Variants in PTPRT observed in about 807,000 individuals in gnomAD.
The protein encoded by PTPRT is protein tyrosine phosphatase receptor type T.
A neutral mutation model predicts 176.8 loss-of-function variants in PTPRT; 56 were observed. The observed-to-expected ratio is 0.32, with a 90% CI of 0.26 to 0.40. The LOEUF (loss-of-function observed/expected upper bound fraction) is 0.40, where lower values mean the gene tolerates loss of function less well. Among genes scored for constraint, PTPRT ranks in the 10% least tolerant of loss-of-function variants. PTPRT has a pLI of 1.00. For missense variants in PTPRT, 1,540 were observed against 1,908.2 expected (o/e 0.81, Z 3.60); for synonymous variants, 783 against 739.0 (o/e 1.06, Z -0.96).
chr20:42,281,528 C>T (rs2057138788), intron 13 of PTPRT, among the ~76,000 whole-genome samples: 1 of 151,918 alleles, frequency 6.6e-6, no homozygotes, highest in Non-Finnish European at 1.5e-5. Flanking sequence ...CCACTCTGCC[C>T]GTGTGTGTGT....
At chr20:42,580,220 A>G (rs1568992554) in intron 7 of PTPRT, among the ~76,000 whole-genome samples, 1 of 152,074 alleles carries the variant, frequency 6.6e-6, no homozygotes, top group East Asian at 1.9e-4. Flanking sequence ...TTGTAGATAT[A>G]TGGCATTATT....
chr20:42,900,579 C>G (rs960498533), intron 1 of PTPRT, among the ~76,000 whole-genome samples: 3 of 152,114 alleles, frequency 2.0e-5, no homozygotes, highest in Non-Finnish European at 4.4e-5. Context: ...TAATGCCACC[C>G]AGAGCCCATA....
chr20:42,625,078 C>T (rs2074265575), intron 7 of PTPRT, among the ~76,000 whole-genome samples: 1 of 152,164 alleles, frequency 6.6e-6, no homozygotes, highest in Non-Finnish European at 1.5e-5. Flanking sequence ...AAAAGCTGAA[C>T]ACTGACACAG....
intron 8 of PTPRT, among the ~76,000 whole-genome samples, chr20:42,468,475 T>G (rs2071137449): frequency 6.6e-6 from 1 of 152,226 alleles, no homozygotes; most frequent in African/African-American, 2.4e-5. Flanking sequence ...AATACAGAAC[T>G]GAGGAATCAT....
At position 42,678,158 on chromosome 20, in the gene PTPRT, C is replaced by T. The variant is rs2146069383; in HGVS notation, c.861G>A (p.Glu287=). 6.2e-7 allele frequency: 1 copy of T among 1,611,168 alleles called. No individual in the cohort carries two copies. The highest frequency in any genetic ancestry group is 8.5e-7 in the Non-Finnish European group (1 of 1,178,014). ...CTGGGGGAGCAATGGGCGTGGGAGG[C>T]TCTGTAAGACAAGCAATCAAAAAGG... ...VSNYAELIVK[E]PPTPIAPPEL... The change falls in exon 7 of 31, where the codon GAG becomes GAA. Residue 287 remains glutamate (E), a splice_region_variant and synonymous_variant. Transcript: ENST00000373187.
chr20:42,962,832 C>T (rs1982070759), intron 1 of PTPRT, among the ~76,000 whole-genome samples: 2 of 152,128 alleles, frequency 1.3e-5, no homozygotes, highest in Middle Eastern at 3.2e-3. Flanking sequence ...CTTTGGGAGG[C>T]TAGGTGGGCG....
chr20:42,550,265 G>T (rs559540960), intron 7 of PTPRT, among the ~76,000 whole-genome samples: 1 of 152,106 alleles, frequency 6.6e-6, no homozygotes, highest in South Asian at 2.1e-4. Flanking sequence ...AGTATCTCCA[G>T]ACCACCGTTC....
intron 12 of PTPRT, among the ~76,000 whole-genome samples, chr20:42,305,054 T>C (rs1454202322): frequency 1.3e-5 from 2 of 152,296 alleles, no homozygotes; most frequent in Non-Finnish European, 2.9e-5. Flanking sequence ...TAGACTAATT[T>C]AAACTTTTTA....
chr20:42,935,147 ATTTTTTTTTTTTTT>A (rs57178522), intron 1 of PTPRT, among the ~76,000 whole-genome samples: 7 of 42,168 alleles, frequency 1.7e-4, no homozygotes, highest in African/African-American at 4.7e-4. Flanking sequence ...TTTTGCCATA[ATTTTTTTTTTTTTT>A]TTTTTTTTTT....
chr20:42,660,248 G>A (rs985179133), intron 7 of PTPRT, among the ~76,000 whole-genome samples: 2 of 152,108 alleles, frequency 1.3e-5, no homozygotes, highest in Non-Finnish European at 2.9e-5. Flanking sequence ...CAGAAGATTT[G>A]TAAATATGGC....
At chr20:42,055,790 T>C in the PTPRT span, among the ~76,000 whole-genome samples, 1 of 152,168 alleles carries the variant, frequency 6.6e-6, no homozygotes, top group Non-Finnish European at 1.5e-5. Context: ...GCTGCATTTG[T>C]GCAGGCCTGG....
At chr20:42,568,366 A>G (rs1241141708) in intron 7 of PTPRT, among the ~76,000 whole-genome samples, 1 of 152,110 alleles carries the variant, frequency 6.6e-6, no homozygotes, top group African/African-American at 2.4e-5. Context: ...AAATACTCCA[A>G]CGTTGGTATT....
At chr20:43,082,879 T>C (rs187936486) in intron 1 of PTPRT, among the ~76,000 whole-genome samples, 3 of 152,252 alleles carry the variant, frequency 2.0e-5, no homozygotes, top group Non-Finnish European at 4.4e-5. Context: ...ACCTGGACAA[T>C]GAGATGCCAG....
intron 1 of PTPRT, among the ~76,000 whole-genome samples, chr20:42,965,988 GAGAAGAC>G (rs1982272152): frequency 6.6e-6 from 1 of 152,188 alleles, no homozygotes; most frequent in African/African-American, 2.4e-5. Context: ...CTAAACACCG[GAGAAGAC>G]AGAAGCTATG....
intron 8 of PTPRT, among the ~76,000 whole-genome samples, chr20:42,456,375 C>A (rs925526567): frequency 6.6e-6 from 1 of 151,880 alleles, no homozygotes; most frequent in African/African-American, 2.4e-5. Context: ...CTTTTATTTT[C>A]TTATCTTCAA....
intron 1 of PTPRT, among the ~76,000 whole-genome samples, chr20:43,169,462 T>C (rs1413010043): frequency 6.6e-6 from 1 of 152,326 alleles, no homozygotes; most frequent in South Asian, 2.1e-4. Flanking sequence ...GATTGAGCTT[T>C]CATCACTGCT....
rs191455087 is a variant in PTPRT, at chr20:42,622,046, G to A, written c.1153+55820C>T. On this transcript the variant is annotated intron_variant, in intron 7 of 30. Coordinates refer to ENST00000373187, the MANE Select transcript of PTPRT (RefSeq NM_007050.6). ...AAATTTCCTTGACACTTTGCTAACC[G>A]TTCTGCACACCTACATCCTAAAGGA... Among the ~76,000 whole-genome samples the A allele has an allele frequency of 2.8e-4, 43 of 152,212 alleles. 1 individual carries two copies. Among genetic ancestry groups the A allele is most frequent in the Admixed American group, 2.2e-3 (33 of 15,280 alleles).
chr20:42,824,146 C>T (rs1006274473), intron 2 of PTPRT, among the ~76,000 whole-genome samples: 14 of 151,958 alleles, frequency 9.2e-5, no homozygotes, highest in Admixed American at 5.3e-4. Flanking sequence ...ATACAGGTAA[C>T]GATTCTGAGT....
At chr20:42,276,546 TA>T (rs1456586787) in intron 13 of PTPRT, among the ~76,000 whole-genome samples, 6 of 76,002 alleles carry the variant, frequency 7.9e-5, no homozygotes, top group Admixed American at 2.9e-4. Flanking sequence ...TATATATATA[TA>T]TATATATATA....
Sources: allele counts gnomAD v4.1 joint callset (sites outside exome capture counted in the v4.1 genomes callset), GRCh38; gene constraint gnomAD v4.1.1; transcripts MANE v1.5; gene names NCBI Gene and HGNC (gene_info 2026-07-23, HGNC 2026-07-21).